The following ZNF385B variants were observed in gnomAD, a reference collection of about 807,000 sequenced individuals.
The protein encoded by ZNF385B is zinc finger protein 533.
In ZNF385B, 23 loss-of-function variants were observed where a neutral mutation model predicts 39.2. That is an observed-to-expected ratio of 0.59 (90% confidence interval 0.42 to 0.83). The LOEUF (loss-of-function observed/expected upper bound fraction) is 0.83. Among genes scored for constraint, ZNF385B ranks in the 40% least tolerant of loss-of-function variants. The pLI is 0.00. For synonymous variants in ZNF385B, 205 were observed against 222.6 expected (o/e 0.92, Z 0.70); for missense variants, 552 against 598.9 (o/e 0.92, Z 0.82).
At chr2:179,681,710 A>T (rs1697530586) in intron 3 of ZNF385B, among the ~76,000 whole-genome samples, 1 of 152,188 alleles carries the variant, frequency 6.6e-6, no homozygotes, top group South Asian at 2.1e-4. Flanking sequence ...AATAATTCAG[A>T]GTTTTATAAA....
chr2:179,467,342 T>C lies in ZNF385B; in HGVS notation c.715+15930A>G, dbSNP rs1232141025. Among the ~76,000 whole-genome samples the C allele has an allele frequency of 2.0e-5, 3 of 152,210 alleles. No homozygotes were observed. The East Asian group carries it at 5.8e-4, about 29-fold the overall frequency. On this transcript the variant is annotated intron_variant, in intron 6 of 9. Coordinates refer to ENST00000410066, the MANE Select transcript of ZNF385B (RefSeq NM_152520.6). ...GTTAGCTGACTTGCTTTATTAGTCA[T>C]AGGATTTCCTGTTGGAAATGTCTCA...
chr2:179,693,247 A>G (rs191912766), intron 3 of ZNF385B, among the ~76,000 whole-genome samples: 2 of 152,326 alleles, frequency 1.3e-5, no homozygotes, highest in Non-Finnish European at 2.9e-5. Context: ...AGAGAGGCTC[A>G]CTTATGTTAG....
At chr2:179,701,192 T>G (rs2106364556) in intron 3 of ZNF385B, among the ~76,000 whole-genome samples, 1 of 152,308 alleles carries the variant, frequency 6.6e-6, no homozygotes, top group South Asian at 2.1e-4. Context: ...CATATGAAGG[T>G]TAGACATCCT....
chr2:179,626,905 C>T (rs1210442641), intron 3 of ZNF385B, among the ~76,000 whole-genome samples: 2 of 152,132 alleles, frequency 1.3e-5, no homozygotes, highest in Non-Finnish European at 2.9e-5. Flanking sequence ...TCCAATATAA[C>T]CCTTAGGCTT....
Position 179,445,546 on chromosome 2 carries a change from T to C in ZNF385B, c.1140+4A>G, listed in dbSNP as rs748054367. 3 of 1,609,468 alleles carry C rather than the reference T, an allele frequency of 1.9e-6. No homozygotes were observed. The African/African-American group carries it at 4.0e-5, about 22-fold the overall frequency. On this transcript the variant is annotated splice_donor_region_variant and intron_variant, in intron 8 of 9. Transcript: ENST00000410066. ...ATAATGTTTACTAATTCAGGATACG[T>C]TACCTGTTTGAGTTGAATTTCTGAA...
intron 1 of ZNF385B, among the ~76,000 whole-genome samples, chr2:179,778,966 A>G (rs1408011318): frequency 6.6e-6 from 1 of 152,228 alleles, no homozygotes; most frequent in Non-Finnish European, 1.5e-5. Context: ...AAACATGCAT[A>G]TGATTTTCAC....
intron 3 of ZNF385B, among the ~76,000 whole-genome samples, chr2:179,690,218 A>G (rs887317360): frequency 6.6e-6 from 1 of 152,142 alleles, no homozygotes; most frequent in African/African-American, 2.4e-5. Flanking sequence ...CAGAGGGGAA[A>G]AAAAAGAGAG....
chr2:179,772,424 C>T (rs1221120321), intron 1 of ZNF385B, among the ~76,000 whole-genome samples: 1 of 152,166 alleles, frequency 6.6e-6, no homozygotes. Flanking sequence ...TTCACCAAAT[C>T]CCAATTTATT....
chr2:179,681,741 C>T (rs1334767074), intron 3 of ZNF385B, among the ~76,000 whole-genome samples: 2 of 152,156 alleles, frequency 1.3e-5, no homozygotes, highest in African/African-American at 4.8e-5. Context: ...TGTTGGCAGT[C>T]TCATCTTTGA....
At chr2:179,766,348 T>C (rs1441291863) in intron 3 of ZNF385B, among the ~76,000 whole-genome samples, 2 of 152,126 alleles carry the variant, frequency 1.3e-5, no homozygotes, top group African/African-American at 2.4e-5. Context: ...TTTTTCTCTG[T>C]GGGCATGAAA....
intron 3 of ZNF385B, among the ~76,000 whole-genome samples, chr2:179,730,056 GT>G (rs1448279290): frequency 6.6e-6 from 1 of 152,118 alleles, no homozygotes; most frequent in Admixed American, 6.6e-5. Flanking sequence ...CCAGGCTAGG[GT>G]TGCTTTAGTT....
chr2:179,640,783 G>GAAA (rs1201091738), intron 3 of ZNF385B, among the ~76,000 whole-genome samples: 1 of 151,962 alleles, frequency 6.6e-6, no homozygotes, highest in Non-Finnish European at 1.5e-5. Flanking sequence ...GTAAAAAACA[G>GAAA]AACAACAACA....
At chr2:179,688,246 A>AT (rs1470064136) in intron 3 of ZNF385B, among the ~76,000 whole-genome samples, 1 of 152,162 alleles carries the variant, frequency 6.6e-6, no homozygotes, top group Non-Finnish European at 1.5e-5. Flanking sequence ...GATTTAAGGG[A>AT]TGTACACAGA....
chr2:179,798,273 C>T (rs1705805203), intron 1 of ZNF385B, among the ~76,000 whole-genome samples: 1 of 151,942 alleles, frequency 6.6e-6, no homozygotes, highest in African/African-American at 2.4e-5. Flanking sequence ...TTATTTCCTG[C>T]CCCAGCCCTA....
At chr2:179,687,629 G>C (rs1055612295) in intron 3 of ZNF385B, among the ~76,000 whole-genome samples, 1 of 152,146 alleles carries the variant, frequency 6.6e-6, no homozygotes, top group Non-Finnish European at 1.5e-5. Context: ...CATAAAGCGG[G>C]TATCATGGGA....
chr2:179,816,462 C>A (rs1444503105), intron 1 of ZNF385B, among the ~76,000 whole-genome samples: 1 of 152,212 alleles, frequency 6.6e-6, no homozygotes, highest in Non-Finnish European at 1.5e-5. Context: ...TGTCACTCTT[C>A]TGCTCACAAG....
At chr2:179,582,671 ATG>A (rs1450082067) in intron 3 of ZNF385B, among the ~76,000 whole-genome samples, 1 of 152,204 alleles carries the variant, frequency 6.6e-6, no homozygotes, top group Non-Finnish European at 1.5e-5. Context: ...CAAGTTTTCA[ATG>A]TGTGCCAGTA....
intron 5 of ZNF385B, among the ~76,000 whole-genome samples, chr2:179,502,810 C>G (rs1476388076): frequency 6.6e-6 from 1 of 152,132 alleles, no homozygotes; most frequent in East Asian, 1.9e-4. Flanking sequence ...AATCCATCAC[C>G]AAGTCCAATA....
At chr2:179,765,549 G>A (rs1703638234) in intron 3 of ZNF385B, among the ~76,000 whole-genome samples, 1 of 152,132 alleles carries the variant, frequency 6.6e-6, no homozygotes, top group Non-Finnish European at 1.5e-5. Context: ...GGAACTGTGA[G>A]GTATTTCTTT....
Sources: gnomAD v4.1 joint callset for allele counts (sites outside exome capture counted in the v4.1 genomes callset) on GRCh38, gnomAD v4.1.1 for gene constraint, MANE v1.5 for transcripts, NCBI Gene and HGNC (gene_info 2026-07-23, HGNC 2026-07-21) for gene names.